ITGAL: variants seen among roughly 807,000 people sequenced by gnomAD.
The protein encoded by ITGAL is integrin subunit alpha L.
ITGAL carries 68 observed loss-of-function variants against 138.4 expected under a neutral mutation model. The ratio of observed to expected loss-of-function variants is 0.49; its 90% confidence interval spans 0.40 to 0.60. ITGAL has a LOEUF of 0.60. ITGAL is among the 20% of genes least tolerant of loss of function. ITGAL has a pLI of 0.00. For missense variants in ITGAL, 1,256 were observed against 1,478.6 expected (o/e 0.85, Z 2.47); for synonymous variants, 561 against 584.3 (o/e 0.96, Z 0.57).
rs2051257494 is a variant in ITGAL, at chr16:30,521,727, C to A, written c.*62C>A. 3 of 1,522,896 alleles carry A rather than the reference C, an allele frequency of 2.0e-6. No homozygotes were observed. Among genetic ancestry groups the A allele is most frequent in the Non-Finnish European group, 2.7e-6 (3 of 1,114,876 alleles). 94.3% of individuals were successfully genotyped at this position (1,522,896 alleles called of 1,614,324 possible). ...ACTCAGGATGCCCAGGGCCACTCTG[C>A]CTCTGCCTGCATTCTGCCGTGTGCC... On this transcript the variant is annotated 3_prime_UTR_variant, in exon 31 of 31. Coordinates refer to ENST00000356798, the MANE Select transcript of ITGAL (RefSeq NM_002209.3).
intron 25 of ITGAL, among the ~76,000 whole-genome samples, chr16:30,515,749 A>T (rs2151205937): frequency 6.6e-6 from 1 of 152,288 alleles, no homozygotes; most frequent in African/African-American, 2.4e-5. Context: ...AGGTGGGCAG[A>T]TCACCTGAGG....
chr16:30,489,435 T>A (rs750272773), intron 11 of ITGAL, 49 bp downstream of exon 11: 1 of 1,598,790 alleles, frequency 6.3e-7, no homozygotes, highest in South Asian at 1.1e-5. Flanking sequence ...TGAGGTCAGA[T>A]GGTCGCTCAG....
At chr16:30,500,270 G>A (rs1276654578) in intron 17 of ITGAL, among the ~76,000 whole-genome samples, 1 of 150,208 alleles carries the variant, frequency 6.7e-6, no homozygotes, top group African/African-American at 2.4e-5. Flanking sequence ...ATTTTTAGTA[G>A]AGTTGGGGTT....
intron 15 of ITGAL, among the ~76,000 whole-genome samples, chr16:30,498,096 A>G (rs2050829783): frequency 6.6e-6 from 1 of 151,660 alleles, no homozygotes. Context: ...CTTCAATGGG[A>G]GGCACGGGGG....
At chr16:30,521,135 G>A (rs1013508588) in intron 30 of ITGAL, among the ~76,000 whole-genome samples, 1 of 151,654 alleles carries the variant, frequency 6.6e-6, no homozygotes, top group Non-Finnish European at 1.5e-5. Context: ...CGCTGGGCTC[G>A]GGGACTCATG....
intron 9 of ITGAL, 46 bp from the exon 10 acceptor site, chr16:30,489,036 C>T (rs1342470751): frequency 6.6e-7 from 1 of 1,519,166 alleles, no homozygotes; most frequent in East Asian, 2.2e-5. Flanking sequence ...TTTTTCACTG[C>T]ATTTACTGCT....
At chr16:30,499,295 G>A (rs202196987) in intron 16 of ITGAL, 43 bp from the exon 17 acceptor site, 2 of 1,613,040 alleles carry the variant, frequency 1.2e-6, no homozygotes, top group Non-Finnish European at 1.7e-6. Flanking sequence ...TTATGGCCTG[G>A]GATCCCCCAC....
rs778497538 is a variant in ITGAL at position 30,481,430 on chromosome 16, C to A, written c.577-9C>A. ...ATAACTGAATGTCATTTCTTCCTTCCTTTTCTAGTTTGCTGCTGTTCAGTT... is the reference window on the plus strand; with the variant it reads ...ATAACTGAATGTCATTTCTTCCTTCATTTTCTAGTTTGCTGCTGTTCAGTT... On this transcript the variant is annotated splice_polypyrimidine_tract_variant and intron_variant, in intron 6 of 30. Coordinates refer to ENST00000356798, the MANE Select transcript of ITGAL (RefSeq NM_002209.3). 21 of 1,596,632 alleles carry A rather than the reference C, an allele frequency of 1.3e-5. No homozygotes were observed. Among genetic ancestry groups the A allele is most frequent in the Middle Eastern group, 3.4e-4 (2 of 5,940 alleles).
chr16:30,519,884 G>A lies in ITGAL; in HGVS notation c.3256G>A (p.Glu1086Lys), dbSNP rs770821011. The A allele has an allele frequency of 3.1e-6, 5 of 1,613,802 alleles. No individual in the cohort carries two copies. The Admixed American group carries it at 8.3e-5, about 27-fold the overall frequency. ...TGTCATGAAGGTTGACGTGGTGTATGAGAAGCAGATGCTCTACCTCTACGT... is the reference window on the plus strand; with the variant it reads ...TGTCATGAAGGTTGACGTGGTGTATAAGAAGCAGATGCTCTACCTCTACGT... ...QVVMKVDVVY[E>K]KQMLYLYVLS... The change falls in exon 30 of 31, where the codon GAG (glutamate) becomes AAG (lysine). Residue 1086 changes from glutamate to lysine, a missense_variant. Physicochemically the swap from Glu to Lys is moderately conservative, Grantham distance 56 (BLOSUM62 1). Transcript: ENST00000356798.
chr16:30,481,273 G>C, intron 6 of ITGAL, 166 bp from the exon 7 acceptor site: 1 of 576,950 alleles, frequency 1.7e-6, no homozygotes, highest in Non-Finnish European at 3.0e-6. Flanking sequence ...TGGAACCCGG[G>C]AGGCAGAGGT....
In ITGAL at chr16:30,479,172, C is replaced by T. The variant is rs761893464; in HGVS notation, c.409C>T (p.Gln137Ter). The T allele has an allele frequency of 5.6e-6, 9 of 1,614,142 alleles. No individual in the cohort carries two copies. The highest frequency in any genetic ancestry group is 7.6e-6 in the Non-Finnish European group (9 of 1,180,016). ...GTGTTACCTCTTCCGCCAGAATCTG[C>T]AGGGTCCCATGCTGCAGGGGCGCCC... is the stretch of plus-strand genomic sequence containing the variant. ...GLCYLFRQNL[Q>*]GPMLQGRPGF... Residue 137 changes from glutamine to a stop codon, truncating the protein, a stop_gained, in exon 5 of 31, where the codon CAG (glutamine) becomes TAG (stop). Coordinates refer to ENST00000356798, the MANE Select transcript of ITGAL (RefSeq NM_002209.3). LOFTEE classifies it high-confidence loss of function.
At position 30,488,067 on chromosome 16, in the gene ITGAL, T is replaced by A. The variant is rs1206558391; in HGVS notation, c.1007-1015T>A. On this transcript the variant is annotated intron_variant, in intron 9 of 30. Transcript: ENST00000356798. ...TATATAAGCCAGGCACGGTGGTGCA[T>A]ACCAGTAGTCCCAGCTACTTGGGAT... 2.6e-5 allele frequency among the ~76,000 whole-genome samples: 4 copies of A among 151,872 alleles called. No individual in the cohort carries two copies. In the East Asian group the frequency reaches 7.7e-4, roughly 29 times the overall value.
rs1567483166 is a variant in ITGAL, at chr16:30,505,460, A to G, written c.2364A>G (p.Ala788=). Residue 788 remains alanine (A), a splice_region_variant and synonymous_variant, in exon 20 of 31, where the codon GCA becomes GCG. Transcript: ENST00000356798. ...ACTTGAGAGTGTCCTTCTCTCCTGCAAGGTCAGTAAGGCCTCCCACCCTCC... is the reference window on the plus strand; with the variant it reads ...ACTTGAGAGTGTCCTTCTCTCCTGCGAGGTCAGTAAGGCCTCCCACCCTCC... ...EANLRVSFSP[A]RSRALRLTAF... The G allele has an allele frequency of 1.2e-6, 2 of 1,612,394 alleles. No individual in the cohort carries two copies. The highest frequency in any genetic ancestry group is 1.7e-6 in the Non-Finnish European group (2 of 1,178,896).
chr16:30,501,065 A>G (rs1023259089), intron 17 of ITGAL, among the ~76,000 whole-genome samples: 1 of 151,932 alleles, frequency 6.6e-6, no homozygotes, highest in African/African-American at 2.4e-5. Context: ...AGGCTGGTCT[A>G]AAACCCTTGG....
intron 21 of ITGAL, 54 bp from the exon 22 acceptor site, chr16:30,510,306 TG>T: frequency 1.9e-6 from 2 of 1,041,084 alleles, no homozygotes; most frequent in Non-Finnish European, 1.5e-6. Context: ...TGGTGGCCTC[TG>T]GGGGAAACTT....
chr16:30,501,824 A>C (rs2050903533), intron 17 of ITGAL, among the ~76,000 whole-genome samples: 1 of 152,036 alleles, frequency 6.6e-6, no homozygotes, highest in Non-Finnish European at 1.5e-5. Context: ...TGAGCTTAGG[A>C]GTTCAACACC....
intron 25 of ITGAL, among the ~76,000 whole-genome samples, chr16:30,514,382 T>C (rs1461385845): frequency 1.3e-5 from 2 of 151,988 alleles, no homozygotes; most frequent in Admixed American, 1.3e-4. Flanking sequence ...GTTCAAGCCA[T>C]TCTCCTACCT....
Position 30,496,270 on chromosome 16 carries a change from G to A in ITGAL, c.1677G>A (p.Gly559=). ...GAVYIFNGRH[G]GLSPQPSQRI... ...TGTACATCTTCAATGGGAGGCACGG[G>A]GGGCTTAGTCCCCAGCCAAGTCAGG... is the stretch of plus-strand genomic sequence containing the variant. The change falls in exon 14 of 31, where the codon GGG becomes GGA. Residue 559 remains glycine (G), a synonymous_variant. Coordinates refer to ENST00000356798, the MANE Select transcript of ITGAL (RefSeq NM_002209.3). 2 of 1,601,850 alleles carry A rather than the reference G, an allele frequency of 1.2e-6. No individual in the cohort carries two copies. The highest frequency in any genetic ancestry group is 1.7e-6 in the Non-Finnish European group (2 of 1,172,932).
intron 17 of ITGAL, among the ~76,000 whole-genome samples, chr16:30,499,733 A>ATACGTATATATATATATATATATATATT: frequency 1.0e-4 from 9 of 88,342 alleles, no homozygotes; most frequent in East Asian, 6.8e-4. Flanking sequence ...ATATATATAT[A>ATACGTATATATATATATATATATATATT]TTTTTTTTTT....
Sources: gnomAD v4.1 joint callset for allele counts (sites outside exome capture counted in the v4.1 genomes callset) on GRCh38, gnomAD v4.1.1 for gene constraint, MANE v1.5 for transcripts, NCBI Gene and HGNC (gene_info 2026-07-23, HGNC 2026-07-21) for gene names.